LRRC8D: variants seen among roughly 807,000 people sequenced by gnomAD.
LRRC8D encodes the protein leucine rich repeat containing 8 VRAC subunit D.
In LRRC8D, 20 loss-of-function variants were observed where a neutral mutation model predicts 55.8. The observed-to-expected ratio is 0.36, with a 90% CI of 0.25 to 0.52. The LOEUF is 0.52. Among genes scored for constraint, LRRC8D ranks in the 20% least tolerant of loss-of-function variants. The probability of loss-of-function intolerance (pLI) is 0.93; values close to 1 mark genes in which losing one functional copy is unlikely to be tolerated. For missense variants in LRRC8D, 651 were observed against 1,030.8 expected, an observed-to-expected ratio of 0.63 and a Z score of 5.05; for synonymous variants, 352 against 377.0, an observed-to-expected ratio of 0.93 and a Z score of 0.77.
At position 89,933,318 on chromosome 1, in the gene LRRC8D, G is replaced by A. The variant is rs1276268761; in HGVS notation, c.250G>A (p.Ala84Thr). The A allele has an allele frequency of 3.1e-6, 5 of 1,614,022 alleles. No individual in the cohort carries two copies. The highest frequency in any genetic ancestry group is 4.2e-6 in the Non-Finnish European group (5 of 1,180,028). The change falls in exon 3 of 3, where the codon GCA (alanine) becomes ACA (threonine). Residue 84 changes from alanine (A) to threonine (T), a missense_variant. By Grantham distance (58) the Ala-to-Thr change is moderately conservative (BLOSUM62 0). This residue lies in a region of LRRC8D where 118 missense variants were observed against 138.0 expected (regional missense o/e 0.85). Coordinates refer to ENST00000337338, the MANE Select transcript of LRRC8D (RefSeq NM_001134479.2). The surrounding 1 kb of genome is among the most constrained non-coding windows in gnomAD (Gnocchi z 7.0). ...EVTTNIPKMEAATNQDQDGRT... is the reference protein window; with the variant it reads ...EVTTNIPKMETATNQDQDGRT... Reference sequence around the variant, plus strand: ...CACCACCAACATCCCAAAGATGGAAGCAGCCACCAACCAAGACCAAGATGG... The same window carrying A: ...CACCACCAACATCCCAAAGATGGAAACAGCCACCAACCAAGACCAAGATGG...
intron 2 of LRRC8D, among the ~76,000 whole-genome samples, chr1:89,850,088 A>C (rs1310983828): frequency 6.6e-6 from 1 of 152,152 alleles, no homozygotes; most frequent in Non-Finnish European, 1.5e-5. Flanking sequence ...TTATTTTTAA[A>C]AATCTGGTCA....
intron 2 of LRRC8D, among the ~76,000 whole-genome samples, chr1:89,894,845 A>C (rs1234163162): frequency 6.6e-6 from 1 of 152,202 alleles, no homozygotes; most frequent in Non-Finnish European, 1.5e-5. Context: ...GGGTGAGTAC[A>C]ATATTGGCTG....
chr1:89,885,767 A>G (rs1557467499), intron 2 of LRRC8D, among the ~76,000 whole-genome samples: 2 of 152,230 alleles, frequency 1.3e-5, no homozygotes, highest in African/African-American at 2.4e-5. Context: ...CCTGGTGTGC[A>G]AAGAGTGCCC....
At chr1:89,841,466 C>T (rs1557444861) in intron 1 of LRRC8D, among the ~76,000 whole-genome samples, 1 of 149,498 alleles carries the variant, frequency 6.7e-6, no homozygotes. Context: ...TCAGGAGCCT[C>T]ATAGCAGCAT....
At position 89,911,568 on chromosome 1, in the gene LRRC8D, C is replaced by T. The variant is rs568626508; in HGVS notation, c.-2-21499C>T. ...CCAACTTTTACCCCTCTACTCCTTT[C>T]CTATCCTGAAAAATACACCCTCCCA... On this transcript the variant is annotated intron_variant, in intron 2 of 2. Coordinates refer to ENST00000337338, the MANE Select transcript of LRRC8D (RefSeq NM_001134479.2). The surrounding 1 kb of genome is among the most constrained non-coding windows in gnomAD (Gnocchi z 4.0). Among the ~76,000 whole-genome samples, 1 of 152,326 alleles carries T rather than the reference C, an allele frequency of 6.6e-6. No individual in the cohort carries two copies. Among genetic ancestry groups the T allele is most frequent in the Non-Finnish European group, 1.5e-5 (1 of 68,032 alleles).
chr1:89,904,990 G>T (rs971189355), intron 2 of LRRC8D, among the ~76,000 whole-genome samples: 10 of 124,862 alleles, frequency 8.0e-5, no homozygotes, highest in Non-Finnish European at 1.6e-4. Context: ...TTACATGGAA[G>T]TACTTGATTT....
rs970678615 is a variant in LRRC8D, at chr1:89,860,809, T to TATATAC, written c.-3+17028_-3+17029insTATACA. Among the ~76,000 whole-genome samples, 131 of 105,530 alleles carry TATATAC rather than the reference T, an allele frequency of 1.2e-3. 2 individuals are homozygous for TATATAC. The highest frequency in any genetic ancestry group is 6.1e-3 in the East Asian group (21 of 3,428). 69.2% of individuals were successfully genotyped at this position (105,530 alleles called of 152,430 possible). On this transcript the variant is annotated intron_variant, in intron 2 of 2. Coordinates refer to ENST00000337338, the MANE Select transcript of LRRC8D (RefSeq NM_001134479.2). The stretch of plus-strand genomic sequence containing the variant: ...AAATATATATATATATATATATATA[T>TATATAC]ACACACACAGACGCATTTTGTACGT...
intron 1 of LRRC8D, among the ~76,000 whole-genome samples, chr1:89,825,694 T>C (rs1375371196): frequency 6.6e-6 from 1 of 152,242 alleles, no homozygotes; most frequent in Non-Finnish European, 1.5e-5. Context: ...TGATGTAAGT[T>C]CATACTTAAC....
intron 2 of LRRC8D, among the ~76,000 whole-genome samples, chr1:89,877,235 T>C (rs1341187582): frequency 6.6e-6 from 1 of 151,496 alleles, no homozygotes; most frequent in Non-Finnish European, 1.5e-5. Flanking sequence ...TCTCTCTCTT[T>C]TTTTTTTTTT....
At chr1:89,908,812 A>G (rs1196818803) in intron 2 of LRRC8D, among the ~76,000 whole-genome samples, 1 of 152,186 alleles carries the variant, frequency 6.6e-6, no homozygotes, top group East Asian at 1.9e-4. Context: ...TTCTGTCTCA[A>G]TGGGGAGTTC....
intron 1 of LRRC8D, among the ~76,000 whole-genome samples, chr1:89,840,999 G>T (rs1661117853): frequency 6.6e-6 from 1 of 152,166 alleles, no homozygotes; most frequent in Non-Finnish European, 1.5e-5. Context: ...CTAGCTAAAT[G>T]CCCTGCTTCA....
chr1:89,868,295 A>G (rs1045699620), intron 2 of LRRC8D, among the ~76,000 whole-genome samples: 1 of 152,226 alleles, frequency 6.6e-6, no homozygotes, highest in African/African-American at 2.4e-5. Context: ...CATAAAATGT[A>G]AGGATTAGAA....
At chr1:89,862,060 G>A (rs1661732037) in intron 2 of LRRC8D, among the ~76,000 whole-genome samples, 1 of 152,188 alleles carries the variant, frequency 6.6e-6, no homozygotes. Flanking sequence ...TAGAAAAGTG[G>A]TAGAATCTCA....
chr1:89,860,809 T>TATATATATACAC (rs970678615), intron 2 of LRRC8D, among the ~76,000 whole-genome samples: 2 of 105,538 alleles, frequency 1.9e-5, no homozygotes, highest in South Asian at 3.4e-4. Context: ...TATATATATA[T>TATATATATACAC]ACACACACAG....
At chr1:89,890,952 G>A (rs775176954) in intron 2 of LRRC8D, among the ~76,000 whole-genome samples, 8 of 152,058 alleles carry the variant, frequency 5.3e-5, no homozygotes, top group Admixed American at 4.6e-4. Flanking sequence ...GGCGATTTCG[G>A]CACACTGCAA....
intron 2 of LRRC8D, among the ~76,000 whole-genome samples, chr1:89,906,697 T>C (rs888965196): frequency 6.6e-6 from 1 of 152,176 alleles, no homozygotes; most frequent in African/African-American, 2.4e-5. Context: ...TGTTAGCCAC[T>C]CCATGTTATT....
At chr1:89,913,677 G>A (rs1663186830) in intron 2 of LRRC8D, among the ~76,000 whole-genome samples, 1 of 152,152 alleles carries the variant, frequency 6.6e-6, no homozygotes, top group South Asian at 2.1e-4. Context: ...TTCAGATTCA[G>A]TACAACTTGT....
intron 2 of LRRC8D, among the ~76,000 whole-genome samples, chr1:89,854,211 G>A (rs1661494698): frequency 6.6e-6 from 1 of 152,194 alleles, no homozygotes. Context: ...GATATTTTCA[G>A]TAAAGGAGGA....
intron 1 of LRRC8D, among the ~76,000 whole-genome samples, chr1:89,825,042 T>G (rs534580242): frequency 9.2e-5 from 14 of 152,202 alleles, no homozygotes; most frequent in East Asian, 1.9e-4. Flanking sequence ...AGAAGTTTTT[T>G]TTGTTGTTGT....
Sources: gnomAD v4.1 joint callset for allele counts (sites outside exome capture counted in the v4.1 genomes callset) on GRCh38, gnomAD v4.1.1 for gene constraint, gnomAD v4.1.1 regional missense constraint, Gnocchi (gnomAD v3.1) non-coding constraint, MANE v1.5 for transcripts, NCBI Gene and HGNC (gene_info 2026-07-23, HGNC 2026-07-21) for gene names.